Variants in LYPLAL1 observed in about 807,000 individuals in gnomAD.
LYPLAL1 encodes the protein lysophospholipase-like protein 1.
A neutral mutation model predicts 19.7 loss-of-function variants in LYPLAL1; 23 were observed. The observed-to-expected ratio is 1.17, with a 90% CI of 0.84 to 1.65. The LOEUF (loss-of-function observed/expected upper bound fraction) is 1.65, where lower values mean the gene tolerates loss of function less well. Ranked by LOEUF, LYPLAL1 falls within the 40% of genes most tolerant of loss-of-function variation. LYPLAL1 has a pLI of 0.00. For synonymous variants in LYPLAL1, 119 were observed against 96.3 expected (o/e 1.24, Z -1.38); for missense variants, 355 against 279.4 (o/e 1.27, Z -1.93).
the LYPLAL1 span, among the ~76,000 whole-genome samples, chr1:219,414,023 C>G: frequency 1.3e-5 from 2 of 152,138 alleles, no homozygotes; most frequent in Admixed American, 6.5e-5. Context: ...TTCTCAGTAT[C>G]TTTAATATGC....
At chr1:219,386,087 T>A in the LYPLAL1 span, among the ~76,000 whole-genome samples, 1 of 152,166 alleles carries the variant, frequency 6.6e-6, no homozygotes, top group Non-Finnish European at 1.5e-5. Flanking sequence ...TCATCTCACA[T>A]TACCACTGGG....
the LYPLAL1 span, among the ~76,000 whole-genome samples, chr1:219,317,561 G>C: frequency 1.3e-5 from 2 of 152,154 alleles, no homozygotes; most frequent in African/African-American, 4.8e-5. Context: ...AGAAAATGAG[G>C]TGATGATGAG....
chr1:219,408,044 G>A, the LYPLAL1 span, among the ~76,000 whole-genome samples: 171 of 152,190 alleles, frequency 1.1e-3, no homozygotes, highest in African/African-American at 4.0e-3. Context: ...TTCAACATAT[G>A]GATTGGAGGG....
At chr1:219,389,545 T>A in the LYPLAL1 span, among the ~76,000 whole-genome samples, 2,990 of 152,296 alleles carry the variant, frequency 0.02, 82 homozygotes, top group African/African-American at 0.067. Flanking sequence ...AAAATTTTAC[T>A]CTTGTCTTCA....
At chr1:219,435,920 G>A in the LYPLAL1 span, among the ~76,000 whole-genome samples, 4 of 152,308 alleles carry the variant, frequency 2.6e-5, no homozygotes, top group East Asian at 3.9e-4. Flanking sequence ...CATACAGTTT[G>A]TTCAAGTAAT....
At chr1:219,218,823 C>A in the LYPLAL1 span, among the ~76,000 whole-genome samples, 16 of 152,202 alleles carry the variant, frequency 1.1e-4, no homozygotes, top group East Asian at 3.1e-3. Flanking sequence ...ATTAAGACAA[C>A]CATGAATAAC....
At chr1:219,227,239 C>T in the LYPLAL1 span, among the ~76,000 whole-genome samples, 10 of 152,292 alleles carry the variant, frequency 6.6e-5, no homozygotes, top group East Asian at 1.7e-3. Context: ...ATCCATATTC[C>T]ATTCGAGAAA....
chr1:219,192,907 T>A (rs2125065220), intron 2 of LYPLAL1, among the ~76,000 whole-genome samples, 175 bp from the exon 3 acceptor site: 1 of 151,866 alleles, frequency 6.6e-6, no homozygotes, highest in East Asian at 1.9e-4. Flanking sequence ...TAGATACAAG[T>A]ATGGGATAGT....
chr1:219,318,819 T>C, the LYPLAL1 span, among the ~76,000 whole-genome samples: 8 of 152,184 alleles, frequency 5.3e-5, no homozygotes, highest in African/African-American at 1.9e-4. Flanking sequence ...ACCCCTAATG[T>C]GTCCCTAGAA....
chr1:219,191,184 T>G (rs1202911681), intron 2 of LYPLAL1, among the ~76,000 whole-genome samples: 1 of 151,614 alleles, frequency 6.6e-6, no homozygotes, highest in Non-Finnish European at 1.5e-5. Context: ...TTTTACAACT[T>G]TTATGGAAGC....
the LYPLAL1 span, among the ~76,000 whole-genome samples, chr1:219,288,687 C>T: frequency 1.3e-5 from 2 of 152,166 alleles, no homozygotes; most frequent in Non-Finnish European, 1.5e-5. Context: ...GTCGTTTCAT[C>T]GACTGTAACA....
chr1:219,380,449 C>T, the LYPLAL1 span, among the ~76,000 whole-genome samples: 1 of 152,192 alleles, frequency 6.6e-6, no homozygotes. Flanking sequence ...GCTGTGTTGG[C>T]ACCATTAGTC....
chr1:219,364,822 C>A, the LYPLAL1 span, among the ~76,000 whole-genome samples: 1 of 152,034 alleles, frequency 6.6e-6, no homozygotes, highest in Non-Finnish European at 1.5e-5. Flanking sequence ...ATCAGGATAT[C>A]ATTTTTATAC....
At chr1:219,256,014 AC>A in the LYPLAL1 span, among the ~76,000 whole-genome samples, 1 of 151,858 alleles carries the variant, frequency 6.6e-6, no homozygotes, top group African/African-American at 2.4e-5. Flanking sequence ...TTTATAAGAT[AC>A]ATTTGACTAT....
chr1:219,272,488 G>T, the LYPLAL1 span: 1 of 152,430 alleles, frequency 6.6e-6, no homozygotes, highest in Non-Finnish European at 1.5e-5. Flanking sequence ...AAAGAGAAAT[G>T]ATCTGGGCCT....
At chr1:219,233,757 G>T in the LYPLAL1 span, among the ~76,000 whole-genome samples, 7 of 122,476 alleles carry the variant, frequency 5.7e-5, no homozygotes, top group South Asian at 3.3e-4. Context: ...CAGTGACAGA[G>T]AGAGACCCTG....
the LYPLAL1 span, among the ~76,000 whole-genome samples, chr1:219,392,086 AG>A: frequency 1.3e-5 from 2 of 152,156 alleles, no homozygotes; most frequent in African/African-American, 2.4e-5. Flanking sequence ...ACACAAAAAA[AG>A]CATCTCAGAC....
At chr1:219,231,488 G>C in the LYPLAL1 span, among the ~76,000 whole-genome samples, 4 of 152,094 alleles carry the variant, frequency 2.6e-5, no homozygotes, top group African/African-American at 9.7e-5. Flanking sequence ...AAGCACACAT[G>C]TATGTATATA....
At chr1:219,418,822 C>A in the LYPLAL1 span, among the ~76,000 whole-genome samples, 1 of 152,244 alleles carries the variant, frequency 6.6e-6, no homozygotes, top group East Asian at 1.9e-4. Context: ...TCTCCTCTCA[C>A]CCCTGGCAAC....
Sources: gnomAD v4.1 joint callset for allele counts (sites outside exome capture counted in the v4.1 genomes callset) on GRCh38, gnomAD v4.1.1 for gene constraint, MANE v1.5 for transcripts, NCBI Gene and HGNC (gene_info 2026-07-23, HGNC 2026-07-21) for gene names.